HNRNPLL: variants seen among roughly 807,000 people sequenced by gnomAD.
HNRNPLL encodes heterogeneous nuclear ribonucleoprotein L like, also known as heterogeneous nuclear ribonucleoprotein L-like.
HNRNPLL carries 25 observed loss-of-function variants against 67.1 expected under a neutral mutation model. The ratio of observed to expected loss-of-function variants is 0.37; its 90% CI spans 0.27 to 0.52. The LOEUF (loss-of-function observed/expected upper bound fraction) is 0.52, where lower values mean the gene tolerates loss of function less well. Among genes scored for constraint, HNRNPLL ranks in the 20% least tolerant of loss-of-function variants. The pLI is 0.90. For synonymous variants in HNRNPLL, 267 were observed against 241.7 expected (o/e 1.10, Z -0.97); for missense variants, 542 against 673.9 (o/e 0.80, Z 2.17).
chr2:38,595,289 A>G (rs1370234061), intron 1 of HNRNPLL, among the ~76,000 whole-genome samples: 23 of 147,942 alleles, frequency 1.6e-4, no homozygotes, highest in African/African-American at 5.5e-4. Flanking sequence ...AAAAAAAAAA[A>G]AAAAAAAAGA....
At chr2:38,567,420 T>A (rs2148335276) in intron 12 of HNRNPLL, among the ~76,000 whole-genome samples, 1 of 152,192 alleles carries the variant, frequency 6.6e-6, no homozygotes, top group Non-Finnish European at 1.5e-5. Flanking sequence ...CTAGCCAAGT[T>A]TTAAAAATAT....
chr2:38,595,599 C>G (rs1204815640), intron 1 of HNRNPLL, among the ~76,000 whole-genome samples: 1 of 152,152 alleles, frequency 6.6e-6, no homozygotes, highest in Non-Finnish European at 1.5e-5. Flanking sequence ...AATGCCAGCC[C>G]TTTGGGAGGC....
At chr2:38,589,302 T>C (rs1260377374) in intron 2 of HNRNPLL, among the ~76,000 whole-genome samples, 1 of 152,212 alleles carries the variant, frequency 6.6e-6, no homozygotes, top group Non-Finnish European at 1.5e-5. Flanking sequence ...AACTTGGTGA[T>C]TCACCATTTT....
At chr2:38,564,898 T>C (rs1308712357) in intron 12 of HNRNPLL, among the ~76,000 whole-genome samples, 1 of 151,390 alleles carries the variant, frequency 6.6e-6, no homozygotes, top group Admixed American at 6.6e-5. Context: ...AGGTCAAAGC[T>C]GGAATGTACA....
chr2:38,585,822 C>T lies in HNRNPLL; in HGVS notation c.368G>A (p.Ser123Asn). The T allele has an allele frequency of 1.2e-6, 2 of 1,614,004 alleles. No homozygotes were observed. Among genetic ancestry groups the T allele is most frequent in the Non-Finnish European group, 1.7e-6 (2 of 1,179,912 alleles). ...AGCAAATGTCACACATTCTTTGGCA[C>T]TATCTATGTTTTCAAATTCCACTAG... Reference protein sequence around the residue: ...QALVEFENIDSAKECVTFAAD... With the variant: ...QALVEFENIDNAKECVTFAAD... Residue 123 changes from serine (S) to asparagine (N), a missense_variant, in exon 3 of 13, where the codon AGT (serine) becomes AAT (asparagine). This residue lies in a region of HNRNPLL where 415 missense variants were observed against 575.2 expected (regional missense o/e 0.72). Transcript: ENST00000449105.
chr2:38,562,109 C>T lies in HNRNPLL; in HGVS notation c.*2073G>A, dbSNP rs1436010978. On this transcript the variant is annotated 3_prime_UTR_variant, in exon 13 of 13. Coordinates refer to ENST00000449105, the MANE Select transcript of HNRNPLL (RefSeq NM_138394.4). ...CTTAAATCTGCTTTTTCTAGTTCTT[C>T]TAAAAGCATAAAGATAGCACAGAGA... 6.6e-6 allele frequency: 1 copy of T among 152,060 alleles called. No individual in the cohort carries two copies. Among genetic ancestry groups the T allele is most frequent in the East Asian group, 1.9e-4 (1 of 5,200 alleles). 9.4% of individuals were successfully genotyped at this position (152,060 alleles called of 1,614,324 possible).
In HNRNPLL at chr2:38,583,748, A is replaced by C. The variant is rs1666624210; in HGVS notation, c.632+93T>G. On this transcript the variant is annotated intron_variant, in intron 4 of 12. Transcript: ENST00000449105. ...GTCACGTAGATTTTTGTGAGAGGACAAAGTAAACACCACTTGTCTAGAAAT... is the reference window on the plus strand; with the variant it reads ...GTCACGTAGATTTTTGTGAGAGGACCAAGTAAACACCACTTGTCTAGAAAT... The C allele has an allele frequency of 5.6e-6, 3 of 534,136 alleles. No homozygotes were observed. The South Asian group carries it at 1.0e-4, about 18-fold the overall frequency. The allele number at this position is 534,136 out of a possible 1,614,324, so 33.1% of individuals were successfully genotyped here. A position where few individuals can be genotyped will look rare whatever the true frequency, so the allele number is the denominator to read the frequency against.
Position 38,571,323 on chromosome 2 carries a change from T to A in HNRNPLL, c.1093-1398A>T, listed in dbSNP as rs527829832. 6.6e-5 allele frequency among the ~76,000 whole-genome samples: 10 copies of A among 152,162 alleles called. No individual in the cohort carries two copies. In the South Asian group the frequency reaches 1.7e-3, roughly 25 times the overall value. ...CTCACAATATCTTATTTTACTGTAGTCACCTATTGTTGGAGCAGTTAACAG... is the reference window on the plus strand; with the variant it reads ...CTCACAATATCTTATTTTACTGTAGACACCTATTGTTGGAGCAGTTAACAG... On this transcript the variant is annotated intron_variant, in intron 8 of 12. Coordinates refer to ENST00000449105, the MANE Select transcript of HNRNPLL (RefSeq NM_138394.4).
At chr2:38,572,096 A>C (rs543493973) in intron 8 of HNRNPLL, among the ~76,000 whole-genome samples, 1 of 152,198 alleles carries the variant, frequency 6.6e-6, no homozygotes, top group Non-Finnish European at 1.5e-5. Flanking sequence ...TGGGCCTAAG[A>C]TAGTGTCTGT....
rs1430131889 is a variant in HNRNPLL at position 38,593,873 on chromosome 2, C to A, written c.190-2225G>T. 3.7e-4 allele frequency among the ~76,000 whole-genome samples: 43 copies of A among 117,546 alleles called. No individual in the cohort carries two copies. The East Asian group carries it at 8.8e-3, about 24-fold the overall frequency. The allele number at this position is 117,546 out of a possible 152,430, so 77.1% of individuals were successfully genotyped here. A position where few individuals can be genotyped will look rare whatever the true frequency, so the allele number is the denominator to read the frequency against. On this transcript the variant is annotated intron_variant, in intron 1 of 12. Transcript: ENST00000449105. ...GTGAGACTCCGTCTCAAAAAAAAAA[C>A]AAAAAAAAACCTAAATGCTGGCCGG...
intron 6 of HNRNPLL, 108 bp from the exon 7 acceptor site, chr2:38,577,640 A>G: frequency 1.4e-6 from 1 of 701,868 alleles, no homozygotes; most frequent in Non-Finnish European, 2.6e-6. Context: ...AATTCATAAA[A>G]GAAATACGAT....
At chr2:38,601,212 G>A (rs1402634298) in intron 1 of HNRNPLL, among the ~76,000 whole-genome samples, 1 of 152,162 alleles carries the variant, frequency 6.6e-6, no homozygotes, top group African/African-American at 2.4e-5. Flanking sequence ...ACAAGACTGA[G>A]AGAAAAAGTT....
At chr2:38,567,656 A>G (rs561145851) in intron 12 of HNRNPLL, among the ~76,000 whole-genome samples, 1 of 152,152 alleles carries the variant, frequency 6.6e-6, no homozygotes, top group South Asian at 2.1e-4. Context: ...CCCCTCCTAC[A>G]CTCACTGTAC....
At position 38,586,987 on chromosome 2, in the gene HNRNPLL, C is replaced by T. The variant is rs1414922483; in HGVS notation, c.309-1106G>A. Among the ~76,000 whole-genome samples the T allele has an allele frequency of 3.3e-5, 5 of 152,062 alleles. No homozygotes were observed. In the East Asian group the frequency reaches 9.6e-4, roughly 29 times the overall value. On this transcript the variant is annotated intron_variant, in intron 2 of 12. Transcript: ENST00000449105. ...AGAGTTGAAGACAGAAATCACAGCA[C>T]CTGGATCACAATGGGGGAAGCATGT... is the stretch of plus-strand genomic sequence containing the variant.
chr2:38,574,058 G>A (rs1666202805), intron 7 of HNRNPLL, among the ~76,000 whole-genome samples: 2 of 151,834 alleles, frequency 1.3e-5, no homozygotes, highest in Non-Finnish European at 2.9e-5. Flanking sequence ...GAACCCAGAA[G>A]GAAATAATGC....
At chr2:38,586,869 C>T (rs923175026) in intron 2 of HNRNPLL, among the ~76,000 whole-genome samples, 2 of 151,758 alleles carry the variant, frequency 1.3e-5, no homozygotes, top group Non-Finnish European at 2.9e-5. Flanking sequence ...TAATACAGTA[C>T]GTTCTTTTTG....
chr2:38,586,305 G>A (rs1197696449), intron 2 of HNRNPLL, among the ~76,000 whole-genome samples: 1 of 152,150 alleles, frequency 6.6e-6, no homozygotes, highest in Non-Finnish European at 1.5e-5. Context: ...ACAGGCATGA[G>A]GTAAGTCAAC....
rs2148336705 is a variant in HNRNPLL, at chr2:38,568,296, A to C, written c.1476T>G (p.Pro492=). The C allele has an allele frequency of 6.2e-7, 1 of 1,612,948 alleles. No homozygotes were observed. Among genetic ancestry groups the C allele is most frequent in the South Asian group, 1.1e-5 (1 of 90,992 alleles). ...FIKYKVFDAK[P]SAKTLSGLLE... ...ATAGCCCAGAAAGTGTTTTGGCTGAAGCTAAAACAAAAAAACACAAACTCA... is the reference window on the plus strand; with the variant it reads ...ATAGCCCAGAAAGTGTTTTGGCTGACGCTAAAACAAAAAAACACAAACTCA... The change falls in exon 12 of 13, where the codon CCT becomes CCG. Residue 492 remains proline, a splice_region_variant and synonymous_variant. Coordinates refer to ENST00000449105, the MANE Select transcript of HNRNPLL (RefSeq NM_138394.4).
At chr2:38,592,849 T>A (rs1035537871) in intron 1 of HNRNPLL, among the ~76,000 whole-genome samples, 37 of 152,364 alleles carry the variant, frequency 2.4e-4, no homozygotes, top group African/African-American at 8.9e-4. Flanking sequence ...ATAACAAGAC[T>A]AATCTGAAAG....
Sources: allele counts gnomAD v4.1 joint callset (sites outside exome capture counted in the v4.1 genomes callset), GRCh38; gene constraint gnomAD v4.1.1; regional missense constraint gnomAD v4.1.1; transcripts MANE v1.5; gene names NCBI Gene and HGNC (gene_info 2026-07-23, HGNC 2026-07-21).